The following SLC25A19 variants were observed in gnomAD, a reference collection of about 807,000 sequenced individuals.
SLC25A19 encodes the protein mitochondrial thiamine pyrophosphate carrier.
SLC25A19 carries 18 observed loss-of-function variants against 27.9 expected under a neutral mutation model. The ratio of observed to expected loss-of-function variants is 0.64; its 90% confidence interval spans 0.45 to 0.96. SLC25A19 has a LOEUF of 0.96. SLC25A19 is among the 40% of genes least tolerant of loss of function. The pLI, the probability that SLC25A19 is intolerant of heterozygous loss-of-function variation, is 0.00. For synonymous variants in SLC25A19, 169 were observed against 167.1 expected, an observed-to-expected ratio of 1.01 and a Z score of -0.09; for missense variants, 371 against 418.3, an observed-to-expected ratio of 0.89 and a Z score of 0.99.
In SLC25A19 at chr17:75,277,360, A is replaced by G; in HGVS notation, c.767T>C (p.Phe256Ser). 6.2e-7 allele frequency: 1 copy of G among 1,613,490 alleles called. No individual in the cohort carries two copies. Among genetic ancestry groups the G allele is most frequent in the Non-Finnish European group, 8.5e-7 (1 of 1,179,888 alleles). The change falls in exon 7 of 8, where the codon TTT becomes TCT. Residue 256 changes from phenylalanine (F) to serine (S), a missense_variant. By Grantham distance (155) the Phe-to-Ser change is radical. Transcript: ENST00000416858. Reference protein sequence around the residue: ...VGGFEHARAAFGQVRRYKGLM... With the variant: ...VGGFEHARAASGQVRRYKGLM... ...TGGGAGTGAACGGCTCACCTGGCCA[A>G]AGGCAGCTCTGGCATGCTCAAACCC...
At position 75,283,548 on chromosome 17, in the gene SLC25A19, C is replaced by T. The variant is rs1469333941; in HGVS notation, c.334G>A (p.Val112Met). ...MLTELVHRGS[V>M]YDAREFSVHF... ...ACTGAGAATTCCCGGGCGTCATACA[C>T]GCTGCCTCTGTGGACCAGCTCCGTC... The change falls in exon 5 of 8, where the codon GTG becomes ATG. Residue 112 changes from valine (V) to methionine (M), a missense_variant. Transcript: ENST00000416858. The T allele has an allele frequency of 6.2e-6, 10 of 1,613,526 alleles. No individual in the cohort carries two copies. In the African/African-American group the frequency reaches 6.7e-5, roughly 11 times the overall value.
At chr17:75,280,676 G>A (rs562514016) in intron 5 of SLC25A19, among the ~76,000 whole-genome samples, 4 of 151,956 alleles carry the variant, frequency 2.6e-5, no homozygotes, top group East Asian at 2.0e-4. Context: ...AGCCAGGCGC[G>A]GTGGTGGGCG....
rs2077941815 is a variant in SLC25A19 at position 75,278,170 on chromosome 17, C to T, written c.625G>A (p.Ala209Thr). Residue 209 changes from alanine (A) to threonine (T), a missense_variant, in exon 6 of 8, where the codon GCC (alanine) becomes ACC (threonine). Transcript: ENST00000416858. Reference sequence around the variant, plus strand: ...GCCTCACCATTTTTCTTTCCTTCGGCTGGTATGGCCCACTTGTACAGGTGC... The same window carrying T: ...GCCTCACCATTTTTCTTTCCTTCGGTTGGTATGGCCCACTTGTACAGGTGC... ...LKHLYKWAIPAEGKKNENLQN... is the reference protein window; with the variant it reads ...LKHLYKWAIPTEGKKNENLQN... The T allele has an allele frequency of 6.2e-7, 1 of 1,613,672 alleles. No individual in the cohort carries two copies. The highest frequency in any genetic ancestry group is 8.5e-7 in the Non-Finnish European group (1 of 1,180,032).
intron 7 of SLC25A19, among the ~76,000 whole-genome samples, chr17:75,276,857 T>G (rs1032041615): frequency 2.7e-5 from 4 of 150,302 alleles, no homozygotes; most frequent in Admixed American, 6.6e-5. Context: ...TTGTTTTTTT[T>G]TTTTTTTAGT....
At chr17:75,279,107 C>T (rs897789165) in intron 5 of SLC25A19, among the ~76,000 whole-genome samples, 24 of 151,918 alleles carry the variant, frequency 1.6e-4, no homozygotes, top group African/African-American at 5.6e-4. Context: ...ATCCTTCCTC[C>T]TTGGCCTCCC....
At chr17:75,279,628 A>T (rs11077782) in intron 5 of SLC25A19, among the ~76,000 whole-genome samples, 6 of 151,248 alleles carry the variant, frequency 4.0e-5, no homozygotes, top group African/African-American at 7.3e-5. Context: ...CCTGCCTCAG[A>T]CCCCCGAGTA....
chr17:75,279,334 G>T (rs754757583), intron 5 of SLC25A19, among the ~76,000 whole-genome samples: 1 of 151,906 alleles, frequency 6.6e-6, no homozygotes, highest in Non-Finnish European at 1.5e-5. Context: ...ATTTTTTATC[G>T]TTCAAGATCA....
At chr17:75,276,714 G>A (rs1157185507) in intron 7 of SLC25A19, among the ~76,000 whole-genome samples, 6 of 148,356 alleles carry the variant, frequency 4.0e-5, no homozygotes, top group Non-Finnish European at 3.0e-5. Flanking sequence ...TTGCTCTGTT[G>A]CCCAGGCTGG....
intron 7 of SLC25A19, among the ~76,000 whole-genome samples, chr17:75,274,973 C>CTTTTTTTTTTTTTTT (rs67040059): frequency 2.1e-5 from 1 of 47,174 alleles, no homozygotes; most frequent in African/African-American, 8.7e-5. Context: ...GGATTTTGGT[C>CTTTTTTTTTTTTTTT]TTTTTTTTTT....
intron 2 of SLC25A19, chr17:75,287,228 C>A (rs1278727961): frequency 5.5e-6 from 1 of 180,488 alleles, no homozygotes; most frequent in African/African-American, 2.6e-5. Flanking sequence ...ATTCTCTTGC[C>A]TCAGCCTCCC....
intron 5 of SLC25A19, among the ~76,000 whole-genome samples, chr17:75,279,506 C>CTTTTTT (rs35328245): frequency 8.8e-6 from 1 of 114,120 alleles, no homozygotes. Context: ...ATGCTATTAT[C>CTTTTTT]TTTTTTTTTT....
chr17:75,283,343 A>C (rs183015482), intron 5 of SLC25A19, 80 bp downstream of exon 5: 2 of 1,338,110 alleles, frequency 1.5e-6, no homozygotes, highest in East Asian at 2.6e-5. Context: ...ATAAATAAAT[A>C]AATAAAAAAT....
At chr17:75,279,717 C>G (rs139175012) in intron 5 of SLC25A19, among the ~76,000 whole-genome samples, 16 of 151,976 alleles carry the variant, frequency 1.1e-4, no homozygotes, top group Non-Finnish European at 2.1e-4. Flanking sequence ...TCATGTTGGC[C>G]AGGATGATCT....
chr17:75,275,145 T>C (rs2077847865), intron 7 of SLC25A19, among the ~76,000 whole-genome samples: 1 of 151,684 alleles, frequency 6.6e-6, no homozygotes, highest in South Asian at 2.1e-4. Context: ...CACACCACCA[T>C]GCCCAGCTAA....
intron 4 of SLC25A19, among the ~76,000 whole-genome samples, chr17:75,284,047 G>C (rs1255000358): frequency 1.3e-5 from 2 of 151,922 alleles, no homozygotes; most frequent in East Asian, 3.9e-4. Context: ...CCGGGAGGCA[G>C]AGCTGCACTG....
chr17:75,284,780 T>C (rs932882847), intron 4 of SLC25A19, among the ~76,000 whole-genome samples: 4 of 151,548 alleles, frequency 2.6e-5, no homozygotes, highest in Admixed American at 2.6e-4. Context: ...GTAGCTGGGA[T>C]TACAGGCGCA....
intron 7 of SLC25A19, among the ~76,000 whole-genome samples, chr17:75,275,172 T>G (rs1567833143): frequency 6.6e-6 from 1 of 151,660 alleles, no homozygotes; most frequent in Non-Finnish European, 1.5e-5. Context: ...AATTTTTATT[T>G]TGTAGAGACG....
In SLC25A19 at chr17:75,284,089, C is replaced by T. The variant is rs1001897303; in HGVS notation, c.289-496G>A. 4.0e-5 allele frequency among the ~76,000 whole-genome samples: 6 copies of T among 150,894 alleles called. No homozygotes were observed. In the South Asian group the frequency reaches 6.3e-4, roughly 16 times the overall value. On this transcript the variant is annotated intron_variant, in intron 4 of 7. Coordinates refer to ENST00000416858, the MANE Select transcript of SLC25A19 (RefSeq NM_001126121.2). ...GATCATGCCACTGCGCTCTCCAGCC[C>T]GGGCGACAGAGCAAGACTCGGTCTC...
Position 75,273,269 on chromosome 17 carries a change from A to G in SLC25A19, c.*182T>C, listed in dbSNP as rs375203238. On this transcript the variant is annotated 3_prime_UTR_variant, in exon 8 of 8. Coordinates refer to ENST00000416858, the MANE Select transcript of SLC25A19 (RefSeq NM_001126121.2). ...TAGACCACGTCCTGCATTCCCTCTGATTCTCTCATGGGGAGAGCCCTGGAC... is the reference window on the plus strand; with the variant it reads ...TAGACCACGTCCTGCATTCCCTCTGGTTCTCTCATGGGGAGAGCCCTGGAC... 1.7e-5 allele frequency: 11 copies of G among 628,946 alleles called. No homozygotes were observed. Among genetic ancestry groups the G allele is most frequent in the African/African-American group, 1.3e-4 (7 of 54,542 alleles). 39.0% of individuals were successfully genotyped at this position (628,946 alleles called of 1,614,324 possible). A position where few individuals can be genotyped will look rare whatever the true frequency, so the allele number is the denominator to read the frequency against.
Sources: allele counts gnomAD v4.1 joint callset (sites outside exome capture counted in the v4.1 genomes callset), GRCh38; gene constraint gnomAD v4.1.1; transcripts MANE v1.5; gene names NCBI Gene and HGNC (gene_info 2026-07-23, HGNC 2026-07-21).